The following DMD variants were observed in gnomAD, a reference collection of about 807,000 sequenced individuals.
DMD encodes the protein dystrophin.
DMD carries 63 observed loss-of-function variants against 330.1 expected under a neutral mutation model. That is an observed-to-expected ratio of 0.19 (90% CI 0.16 to 0.24). The LOEUF (loss-of-function observed/expected upper bound fraction) is 0.24. DMD is among the 10% of genes least tolerant of loss of function. The pLI is 1.00. For synonymous variants in DMD, 1,223 were observed against 959.8 expected, an observed-to-expected ratio of 1.27 and a Z score of -5.07; for missense variants, 3,344 against 2,684.1, an observed-to-expected ratio of 1.25 and a Z score of -5.43.
intron 54 of DMD, among the ~76,000 whole-genome samples, chrX:31,649,404 T>C (rs1212116167): frequency 1.8e-5 from 2 of 111,351 alleles, no homozygotes; most frequent in Non-Finnish European, 3.8e-5. Context: ...TCTCCCTTTG[T>C]GTGCAATCCC....
intron 30 of DMD, among the ~76,000 whole-genome samples, chrX:32,410,993 T>A (rs2098139487): frequency 8.9e-6 from 1 of 112,018 alleles, no homozygotes; most frequent in African/African-American, 3.2e-5. Flanking sequence ...AATTGAGGTG[T>A]AAATTTATAT....
At chrX:32,733,140 C>A (rs2067949000) in intron 7 of DMD, among the ~76,000 whole-genome samples, 1 of 108,761 alleles carries the variant, frequency 9.2e-6, no homozygotes, top group African/African-American at 3.5e-5. Context: ...AGACTTTAAA[C>A]CAACAAAGAT....
At chrX:32,565,679 G>T in intron 16 of DMD, 23 bp downstream of exon 16, 3 of 1,197,955 alleles carry the variant, frequency 2.5e-6, no homozygotes, top group Non-Finnish European at 3.4e-6. Context: ...ATAGTCTGTA[G>T]CATGATAATT....
At chrX:31,997,839 A>G (rs1465280105) in intron 44 of DMD, among the ~76,000 whole-genome samples, 2 of 111,928 alleles carry the variant, frequency 1.8e-5, no homozygotes, top group Admixed American at 9.5e-5. Flanking sequence ...TTTCATTTTA[A>G]GTGATAATCC....
At chrX:32,105,609 T>G (rs1412802146) in intron 44 of DMD, among the ~76,000 whole-genome samples, 2 of 112,027 alleles carry the variant, frequency 1.8e-5, no homozygotes, top group South Asian at 3.7e-4. Context: ...GAGTTTAATA[T>G]GCATTATTAT....
intron 7 of DMD, among the ~76,000 whole-genome samples, chrX:32,705,600 G>A (rs1315894478): frequency 2.7e-5 from 3 of 111,386 alleles, no homozygotes; most frequent in Non-Finnish European, 3.8e-5. Context: ...CATCGCCTGA[G>A]GTTAGGAATT....
chrX:32,804,959 G>C (rs1200510066), intron 7 of DMD, among the ~76,000 whole-genome samples: 1 of 111,957 alleles, frequency 8.9e-6, no homozygotes, highest in African/African-American at 3.3e-5. Context: ...CCATCTGAAG[G>C]TCACCAATGT....
intron 19 of DMD, among the ~76,000 whole-genome samples, chrX:32,492,641 C>A (rs768500148): frequency 4.2e-4 from 47 of 112,059 alleles, no homozygotes; most frequent in Non-Finnish European, 6.2e-4. Context: ...CAACATCACG[C>A]TGTGCTATGG....
intron 2 of DMD, among the ~76,000 whole-genome samples, chrX:32,893,810 T>C (rs2085445076): frequency 8.9e-6 from 1 of 111,745 alleles, no homozygotes; most frequent in Non-Finnish European, 1.9e-5. Flanking sequence ...TCCTACTTAA[T>C]AGGATGGCAT....
intron 5 of DMD, among the ~76,000 whole-genome samples, chrX:32,817,581 G>A (rs1051384569): frequency 8.9e-6 from 1 of 111,825 alleles, no homozygotes; most frequent in Non-Finnish European, 1.9e-5. Flanking sequence ...CTTATGAGAT[G>A]CTGGAAGAAG....
chrX:32,883,839 A>AG (rs2084239187), intron 2 of DMD, among the ~76,000 whole-genome samples: 4 of 105,187 alleles, frequency 3.8e-5, no homozygotes, highest in African/African-American at 1.4e-4. Flanking sequence ...AAAAAAAAAA[A>AG]AAAAAAAAAA....
intron 21 of DMD, among the ~76,000 whole-genome samples, chrX:32,480,520 G>A (rs372185286): frequency 1.8e-5 from 2 of 110,442 alleles, no homozygotes; most frequent in Non-Finnish European, 3.8e-5. Flanking sequence ...ATGTGTCTAC[G>A]TGTGTATATA....
intron 9 of DMD, among the ~76,000 whole-genome samples, chrX:32,680,770 C>A (rs1467544428): frequency 1.8e-5 from 2 of 110,069 alleles, no homozygotes; most frequent in Non-Finnish European, 3.8e-5. Flanking sequence ...TCTCCTTCCA[C>A]CCACCCCAAC....
At chrX:32,781,982 T>A (rs1204797803) in intron 7 of DMD, among the ~76,000 whole-genome samples, 2 of 111,680 alleles carry the variant, frequency 1.8e-5, no homozygotes, top group Non-Finnish European at 3.8e-5. Context: ...TCAGTATTCA[T>A]GTAGGCTCCC....
At chrX:32,670,505 G>A (rs1256755099) in intron 9 of DMD, among the ~76,000 whole-genome samples, 1 of 111,574 alleles carries the variant, frequency 9.0e-6, no homozygotes, top group African/African-American at 3.3e-5. Context: ...TCTGTATAGT[G>A]GGAAGCTTGA....
intron 7 of DMD, among the ~76,000 whole-genome samples, chrX:32,791,264 T>C (rs1442492131): frequency 1.8e-5 from 2 of 112,025 alleles, no homozygotes; most frequent in African/African-American, 6.5e-5. Context: ...TTGCTGCCCC[T>C]GGGCTGGGAA....
At chrX:31,739,104 T>G (rs779512927) in intron 51 of DMD, among the ~76,000 whole-genome samples, 16 of 112,044 alleles carry the variant, frequency 1.4e-4, no homozygotes, top group African/African-American at 5.2e-4. Flanking sequence ...GTTTGGAACA[T>G]AAAGAATAAA....
intron 2 of DMD, among the ~76,000 whole-genome samples, chrX:32,887,237 C>T (rs2084683939): frequency 9.1e-6 from 1 of 109,566 alleles, no homozygotes; most frequent in South Asian, 4.0e-4. Context: ...GTCCCAGCTA[C>T]TTGGGAGGCT....
At chrX:32,774,498 C>A (rs2073949582) in intron 7 of DMD, among the ~76,000 whole-genome samples, 1 of 111,581 alleles carries the variant, frequency 9.0e-6, no homozygotes, top group African/African-American at 3.3e-5. Context: ...TTAATTGATT[C>A]ACAGTTCCGC....
Sources: gnomAD v4.1 joint callset for allele counts (sites outside exome capture counted in the v4.1 genomes callset) on GRCh38, gnomAD v4.1.1 for gene constraint, MANE v1.5 for transcripts, NCBI Gene and HGNC (gene_info 2026-07-23, HGNC 2026-07-21) for gene names.